The following PTPN18 variants were observed in gnomAD, a reference collection of about 807,000 sequenced individuals.
The protein encoded by PTPN18 is protein tyrosine phosphatase non-receptor type 18, also known as tyrosine-protein phosphatase non-receptor type 18.
In PTPN18, 65 loss-of-function variants were observed where a neutral mutation model predicts 65.4. The ratio of observed to expected loss-of-function variants is 0.99; its 90% confidence interval spans 0.81 to 1.22. The LOEUF (loss-of-function observed/expected upper bound fraction) is 1.22, where lower values mean the gene tolerates loss of function less well. PTPN18 is among the 50% of genes most tolerant of loss of function. The pLI, the probability that PTPN18 is intolerant of heterozygous loss-of-function variation, is 0.00. For synonymous variants in PTPN18, 255 were observed against 267.8 expected, an observed-to-expected ratio of 0.95 and a Z score of 0.47; for missense variants, 616 against 646.5, an observed-to-expected ratio of 0.95 and a Z score of 0.51.
At chr2:130,364,140 A>G (rs998575154) in intron 5 of PTPN18, among the ~76,000 whole-genome samples, 1 of 152,188 alleles carries the variant, frequency 6.6e-6, no homozygotes, top group Non-Finnish European at 1.5e-5. Context: ...TACATTCACA[A>G]TGGATTAACC....
intron 2 of PTPN18, 68 bp from the exon 3 acceptor site, chr2:130,359,165 G>A: frequency 7.6e-6 from 12 of 1,582,954 alleles, no homozygotes; most frequent in Non-Finnish European, 1.0e-5. Flanking sequence ...TTTCAGCTAG[G>A]GGGCTGTCAG....
chr2:130,368,603 A>G (rs141452828), intron 5 of PTPN18, among the ~76,000 whole-genome samples: 1 of 152,312 alleles, frequency 6.6e-6, no homozygotes, highest in East Asian at 1.9e-4. Context: ...GTATATATTC[A>G]GATTATTCAA....
intron 8 of PTPN18, 162 bp downstream of exon 8, chr2:130,370,352 C>T (rs975232450): frequency 8.4e-7 from 1 of 1,196,406 alleles, no homozygotes; most frequent in Admixed American, 2.1e-5. Flanking sequence ...AGCACAGACT[C>T]AGCTGGGGAA....
chr2:130,374,360 T>G lies in PTPN18; in HGVS notation c.*1136T>G. 2.8e-5 allele frequency: 6 copies of G among 218,120 alleles called. No homozygotes were observed. Among genetic ancestry groups the G allele is most frequent in the South Asian group, 6.3e-5 (1 of 15,942 alleles). 13.5% of individuals were successfully genotyped at this position (218,120 alleles called of 1,614,324 possible). A position where few individuals can be genotyped will look rare whatever the true frequency, so the allele number is the denominator to read the frequency against. On this transcript the variant is annotated 3_prime_UTR_variant, in exon 15 of 15. Transcript: ENST00000175756. Reference sequence around the variant, plus strand: ...ATTTTTTTTTTTTTTAAGAAATGAGTTTTTGCCATGTTGCCCAGACTGGTC... The same window carrying G: ...ATTTTTTTTTTTTTTAAGAAATGAGGTTTTGCCATGTTGCCCAGACTGGTC...
At chr2:130,369,018 A>G (rs1379907432) in intron 5 of PTPN18, 115 bp from the exon 6 acceptor site, 4 of 832,402 alleles carry the variant, frequency 4.8e-6, no homozygotes, top group Middle Eastern at 3.7e-4. Context: ...GGTTATAAGT[A>G]TAGCTGCCTG....
chr2:130,370,811 G>A, intron 10 of PTPN18, 29 bp downstream of exon 10: 1 of 1,612,778 alleles, frequency 6.2e-7, no homozygotes, highest in East Asian at 2.2e-5. Flanking sequence ...AATCTTCAGG[G>A]ACAGTGGCCC....
At chr2:130,363,970 A>T (rs1680308550) in intron 5 of PTPN18, among the ~76,000 whole-genome samples, 1 of 149,632 alleles carries the variant, frequency 6.7e-6, no homozygotes, top group Admixed American at 6.7e-5. Context: ...AATTATAGCC[A>T]TCCTAGGGGT....
At position 130,373,533 on chromosome 2, in the gene PTPN18, C is replaced by G. The variant is rs1272347816; in HGVS notation, c.*309C>G. On this transcript the variant is annotated 3_prime_UTR_variant, in exon 15 of 15. Coordinates refer to ENST00000175756, the MANE Select transcript of PTPN18 (RefSeq NM_014369.4). This position sits in a 1 kb window ranked among gnomAD's most constrained non-coding sequence, Gnocchi z 4.1. Reference sequence around the variant, plus strand: ...ATGAGCTTCCGGAGACTGCTCTCCTCACCACACAGCACTAGTCCATCCTCA... The same window carrying G: ...ATGAGCTTCCGGAGACTGCTCTCCTGACCACACAGCACTAGTCCATCCTCA... 7.9e-6 allele frequency: 2 copies of G among 252,246 alleles called. 1 individual carries two copies. Among genetic ancestry groups the G allele is most frequent in the Admixed American group, 1.0e-4 (2 of 19,310 alleles). The allele number at this position is 252,246 out of a possible 1,614,324, so 15.6% of individuals were successfully genotyped here.
intron 2 of PTPN18, 99 bp downstream of exon 2, chr2:130,359,074 A>G: frequency 6.8e-7 from 1 of 1,466,874 alleles, no homozygotes; most frequent in South Asian, 1.2e-5. Context: ...CTCTCCTCCC[A>G]GAGCCTCACC....
chr2:130,359,053 C>G, intron 2 of PTPN18, 78 bp downstream of exon 2: 1 of 1,496,266 alleles, frequency 6.7e-7, no homozygotes, highest in Non-Finnish European at 9.2e-7. Context: ...GCACTGGAGT[C>G]ACCCACTGTG....
In PTPN18 at chr2:130,356,123, G is replaced by A. The variant is rs891013849; in HGVS notation, c.16G>A (p.Asp6Asn). The A allele has an allele frequency of 7.6e-7, 1 of 1,309,630 alleles. No homozygotes were observed. The highest frequency in any genetic ancestry group is 1.5e-5 in the African/African-American group (1 of 64,666). The allele number at this position is 1,309,630 out of a possible 1,614,324, so 81.1% of individuals were successfully genotyped here. Residue 6 changes from aspartate to asparagine, a missense_variant, in exon 1 of 15, where the codon GAC becomes AAC. Coordinates refer to ENST00000175756, the MANE Select transcript of PTPN18 (RefSeq NM_014369.4). MSRSLDSARSFLERLE... is the reference protein window; with the variant it reads MSRSLNSARSFLERLE... ...CCGCGGCGCCATGAGCCGCAGCCTG[G>A]ACTCGGCGCGGAGCTTCCTGGAGCG...
Position 130,356,190 on chromosome 2 carries a change from G to A in PTPN18, c.83G>A (p.Gly28Asp), listed in dbSNP as rs1229658765. Residue 28 changes from glycine (G) to aspartate (D), a missense_variant, in exon 1 of 15, where the codon GGC becomes GAC. Physicochemically the swap from Gly to Asp is moderately conservative, Grantham distance 94. Around this residue, in one of 3 missense-constraint regions of PTPN18, gnomAD observed 223 missense variants for 210.0 expected, o/e 1.06. Coordinates refer to ENST00000175756, the MANE Select transcript of PTPN18 (RefSeq NM_014369.4). ...GGCCGGGAGGGGGCAGTCCTCGCCG[G>A]CGAGTTCAGCGTGAGTGGCACACGG... ...RGGREGAVLA[G>D]EFSDIQACSA... 4.6e-6 allele frequency: 6 copies of A among 1,315,272 alleles called. No homozygotes were observed. The African/African-American group carries it at 6.2e-5, about 14-fold the overall frequency. The allele number at this position is 1,315,272 out of a possible 1,614,324, so 81.5% of individuals were successfully genotyped here.
Position 130,358,490 on chromosome 2 carries a change from G to T in PTPN18, c.94-377G>T, listed in dbSNP as rs778583307. On this transcript the variant is annotated intron_variant, in intron 1 of 14. Coordinates refer to ENST00000175756, the MANE Select transcript of PTPN18 (RefSeq NM_014369.4). Reference sequence around the variant, plus strand: ...CAAGACAATGTCACAGATTGAGTGTGCAGGGGGTGGGTGCCGAGAGGGTCT... The same window carrying T: ...CAAGACAATGTCACAGATTGAGTGTTCAGGGGGTGGGTGCCGAGAGGGTCT... Among the ~76,000 whole-genome samples, 35 of 152,254 alleles carry T rather than the reference G, an allele frequency of 2.3e-4. No homozygotes were observed. In the South Asian group the frequency reaches 2.5e-3, roughly 11 times the overall value.
intron 13 of PTPN18, 127 bp downstream of exon 13, chr2:130,372,610 G>A (rs1680610785): frequency 1.6e-6 from 2 of 1,217,114 alleles, no homozygotes; most frequent in Non-Finnish European, 1.1e-6. Context: ...GCCACGCCCC[G>A]ACGCTGATGT....
In PTPN18 at chr2:130,372,812, T is replaced by C. The variant is rs553686103; in HGVS notation, c.1241-61T>C. 5.6e-5 allele frequency: 89 copies of C among 1,578,550 alleles called. No individual in the cohort carries two copies. The South Asian group carries it at 9.4e-4, about 17-fold the overall frequency. Reference sequence around the variant, plus strand: ...TCCGGGGAAGCGTCCCCGCTAGGGGTGGGGTCTTGGGACTCCCTGGGGCTT... The same window carrying C: ...TCCGGGGAAGCGTCCCCGCTAGGGGCGGGGTCTTGGGACTCCCTGGGGCTT... On this transcript the variant is annotated intron_variant, in intron 13 of 14. Transcript: ENST00000175756.
chr2:130,371,237 G>T lies in PTPN18; in HGVS notation c.963G>T (p.Arg321=). 6.2e-7 allele frequency: 1 copy of T among 1,610,846 alleles called. No individual in the cohort carries two copies. Residue 321 remains arginine, a synonymous_variant, in exon 12 of 15, where the codon CGG becomes CGT. Transcript: ENST00000175756. The part of the protein sequence containing the change: ...APLYDDALFL[R]TPQALLAIPR... ...TCTACGACGATGCCCTCTTCCTCCG[G>T]ACTCCCCAGGCACTTCTCGCCATAC...
Position 130,373,437 on chromosome 2 carries a change from C to T in PTPN18, c.*213C>T. 1 of 504,554 alleles carries T rather than the reference C, an allele frequency of 2.0e-6. No individual in the cohort carries two copies. Among genetic ancestry groups the T allele is most frequent in the Non-Finnish European group, 3.5e-6 (1 of 287,496 alleles). 31.3% of individuals were successfully genotyped at this position (504,554 alleles called of 1,614,324 possible). On this transcript the variant is annotated 3_prime_UTR_variant, in exon 15 of 15. Transcript: ENST00000175756. This position sits in a 1 kb window ranked among gnomAD's most constrained non-coding sequence, Gnocchi z 4.1. ...TAGGGTATAGTGGCTGGTGAGGCTG[C>T]ACAGAGCAGATTCAAGAAAGAAGAT...
chr2:130,356,478 A>C, intron 1 of PTPN18: 1 of 493,242 alleles, frequency 2.0e-6, no homozygotes, highest in Non-Finnish European at 3.9e-6. Flanking sequence ...CGCTCCCGGA[A>C]CAACCTGGCT....
In PTPN18 at chr2:130,371,217, G is replaced by C. The variant is rs765171238; in HGVS notation, c.943G>C (p.Asp315His). 2 of 1,610,294 alleles carry C rather than the reference G, an allele frequency of 1.2e-6. No individual in the cohort carries two copies. Among genetic ancestry groups the C allele is most frequent in the Non-Finnish European group, 8.5e-7 (1 of 1,178,196 alleles). ...NIKENCAPLY[D>H]DALFLRTPQA... ...TCTTCAGAATTGTGCCCCACTCTAC[G>C]ACGATGCCCTCTTCCTCCGGACTCC... is the stretch of plus-strand genomic sequence containing the variant. The change falls in exon 12 of 15, where the codon GAC becomes CAC. Residue 315 changes from aspartate to histidine, a missense_variant. Around this residue, in one of 3 missense-constraint regions of PTPN18, gnomAD observed 368 missense variants for 386.7 expected, o/e 0.95. Transcript: ENST00000175756.
Sources: allele counts gnomAD v4.1 joint callset (sites outside exome capture counted in the v4.1 genomes callset), GRCh38; gene constraint gnomAD v4.1.1; regional missense constraint gnomAD v4.1.1; non-coding constraint Gnocchi (gnomAD v3.1); transcripts MANE v1.5; gene names NCBI Gene and HGNC (gene_info 2026-07-23, HGNC 2026-07-21).